KLHL1: variants seen among roughly 807,000 people sequenced by gnomAD.
KLHL1 encodes kelch-like protein 1.
In KLHL1, 47 loss-of-function variants were observed where a neutral mutation model predicts 77.7. That is an observed-to-expected ratio of 0.60 (90% CI 0.48 to 0.77). The LOEUF is 0.77. Ranked by LOEUF, KLHL1 falls within the 30% of genes least tolerant of loss-of-function variation. KLHL1 has a pLI of 0.00. For synonymous variants in KLHL1, 360 were observed against 325.2 expected (o/e 1.11, Z -1.15); for missense variants, 925 against 910.8 (o/e 1.02, Z -0.20).
intron 1 of KLHL1, among the ~76,000 whole-genome samples, chr13:70,003,003 C>T (rs1885333676): frequency 1.3e-5 from 2 of 151,282 alleles, no homozygotes; most frequent in South Asian, 2.1e-4. Context: ...TGTAGATATG[C>T]AAATAAATAA....
chr13:70,065,788 A>G (rs764417065), intron 1 of KLHL1, among the ~76,000 whole-genome samples: 9 of 152,196 alleles, frequency 5.9e-5, no homozygotes, highest in Non-Finnish European at 1.3e-4. Context: ...ACACCTGAAC[A>G]TCAGTTTATG....
chr13:70,052,031 C>T (rs997487543), intron 1 of KLHL1, among the ~76,000 whole-genome samples: 1 of 150,648 alleles, frequency 6.6e-6, no homozygotes, highest in African/African-American at 2.4e-5. Context: ...TTTAGTATTT[C>T]AGAAACCTAG....
At chr13:69,998,877 C>T (rs1470329005) in intron 1 of KLHL1, among the ~76,000 whole-genome samples, 2 of 151,910 alleles carry the variant, frequency 1.3e-5, no homozygotes, top group Non-Finnish European at 2.9e-5. Flanking sequence ...TTTTTTGTGT[C>T]TCTAGAGCTG....
chr13:70,073,557 TAA>T (rs35548126), intron 1 of KLHL1, among the ~76,000 whole-genome samples: 6 of 150,134 alleles, frequency 4.0e-5, no homozygotes, highest in East Asian at 2.0e-4. Flanking sequence ...TAAAGTGTAA[TAA>T]AAAAAAAAAT....
intron 3 of KLHL1, among the ~76,000 whole-genome samples, chr13:69,954,320 A>G (rs1883801795): frequency 6.6e-6 from 1 of 151,296 alleles, no homozygotes; most frequent in Admixed American, 6.6e-5. Context: ...AGGTGGAAAA[A>G]GCCTAAGAAA....
rs1255323732 is a variant in KLHL1, at chr13:69,740,550, G to A, written c.1646C>T (p.Thr549Ile). The A allele has an allele frequency of 6.2e-7, 1 of 1,604,944 alleles. No individual in the cohort carries two copies. The highest frequency in any genetic ancestry group is 1.1e-5 in the South Asian group (1 of 90,122). ...AGCATAAATAGGGCCTTCAAGTACT[G>A]TTACACCTAAAATATTAGATAAATG... is the stretch of plus-strand genomic sequence containing the variant. ...MSTHRHGLGV[T>I]VLEGPIYAVG... Residue 549 changes from threonine to isoleucine, a missense_variant, in exon 8 of 11, where the codon ACA (threonine) becomes ATA (isoleucine). By Grantham distance (89) the Thr-to-Ile change is moderately conservative. Transcript: ENST00000377844.
At chr13:69,831,246 T>C (rs1374731015) in intron 6 of KLHL1, among the ~76,000 whole-genome samples, 1 of 149,936 alleles carries the variant, frequency 6.7e-6, no homozygotes, top group Non-Finnish European at 1.5e-5. Flanking sequence ...TAGGCTCAAT[T>C]AGAAATGAAA....
At chr13:69,721,665 C>T (rs1007930092) in intron 8 of KLHL1, among the ~76,000 whole-genome samples, 5 of 152,020 alleles carry the variant, frequency 3.3e-5, no homozygotes, top group Non-Finnish European at 7.4e-5. Flanking sequence ...TATAATAACT[C>T]TAAAATGTGA....
intron 3 of KLHL1, among the ~76,000 whole-genome samples, chr13:69,945,598 T>TA (rs1349937732): frequency 6.6e-6 from 1 of 152,100 alleles, no homozygotes; most frequent in African/African-American, 2.4e-5. Context: ...ACTAAATTTT[T>TA]AAAAAACTGG....
intron 4 of KLHL1, among the ~76,000 whole-genome samples, chr13:69,890,194 A>AAGAG (rs2138207615): frequency 6.6e-6 from 1 of 151,668 alleles, no homozygotes; most frequent in South Asian, 2.1e-4. Flanking sequence ...AGTGAAATAA[A>AAGAG]AGAGACCAGA....
chr13:69,864,975 C>T (rs1311188323), intron 5 of KLHL1, among the ~76,000 whole-genome samples: 2 of 152,126 alleles, frequency 1.3e-5, no homozygotes, highest in Admixed American at 1.3e-4. Context: ...GATAAAGGAC[C>T]TTGCTCTGCT....
intron 1 of KLHL1, among the ~76,000 whole-genome samples, chr13:70,084,476 T>TTTTTTTTTTTTTG (rs1566562192): frequency 6.8e-6 from 1 of 146,852 alleles, no homozygotes; most frequent in African/African-American, 2.5e-5. Flanking sequence ...TTTTTTTTTT[T>TTTTTTTTTTTTTG]TGAGACGGAG....
chr13:69,965,584 T>A (rs971953158), intron 2 of KLHL1, among the ~76,000 whole-genome samples: 4 of 152,274 alleles, frequency 2.6e-5, no homozygotes, highest in South Asian at 4.1e-4. Context: ...GTGTTGCATG[T>A]CTCTCACTTT....
intron 1 of KLHL1, among the ~76,000 whole-genome samples, chr13:69,990,479 T>G (rs1350777667): frequency 6.6e-6 from 1 of 152,062 alleles, no homozygotes; most frequent in Non-Finnish European, 1.5e-5. Context: ...AAGAAAAATC[T>G]ACCAAGCAAA....
At chr13:70,015,140 T>C (rs757052012) in intron 1 of KLHL1, among the ~76,000 whole-genome samples, 1 of 152,104 alleles carries the variant, frequency 6.6e-6, no homozygotes, top group Non-Finnish European at 1.5e-5. Flanking sequence ...CACTAAATGA[T>C]GGGGATATGT....
intron 6 of KLHL1, among the ~76,000 whole-genome samples, chr13:69,797,168 A>ATGT (rs992479176): frequency 3.4e-4 from 52 of 152,172 alleles, no homozygotes; most frequent in African/African-American, 1.2e-3. Context: ...ATAGACACAA[A>ATGT]TGTTCACCTT....
At chr13:70,056,311 C>T (rs914431767) in intron 1 of KLHL1, among the ~76,000 whole-genome samples, 2 of 151,968 alleles carry the variant, frequency 1.3e-5, no homozygotes, top group Admixed American at 1.3e-4. Context: ...TATATATGCA[C>T]TGAATACTGG....
chr13:69,871,231 C>G (rs1014748233), intron 5 of KLHL1, among the ~76,000 whole-genome samples: 8 of 152,138 alleles, frequency 5.3e-5, no homozygotes, highest in African/African-American at 1.9e-4. Flanking sequence ...TAAACCACAG[C>G]TGGAGCAGCC....
At chr13:69,721,260 C>T (rs1201825989) in intron 8 of KLHL1, among the ~76,000 whole-genome samples, 1 of 146,112 alleles carries the variant, frequency 6.8e-6, no homozygotes, top group Admixed American at 7.0e-5. Context: ...CCTGGAAGCC[C>T]CCTCCCCATT....
Sources: gnomAD v4.1 joint callset for allele counts (sites outside exome capture counted in the v4.1 genomes callset) on GRCh38, gnomAD v4.1.1 for gene constraint, MANE v1.5 for transcripts, NCBI Gene and HGNC (gene_info 2026-07-23, HGNC 2026-07-21) for gene names.